Variants in PLCG2 observed in about 807,000 individuals in gnomAD.
The protein encoded by PLCG2 is 1-phosphatidylinositol 4,5-bisphosphate phosphodiesterase gamma-2.
In PLCG2, 69 loss-of-function variants were observed where a neutral mutation model predicts 175.6. The observed-to-expected ratio is 0.39, with a 90% CI of 0.32 to 0.48. PLCG2 has a LOEUF of 0.48. PLCG2 is among the 20% of genes least tolerant of loss of function. The probability of loss-of-function intolerance (pLI) is 0.91; values close to 1 mark genes in which losing one functional copy is unlikely to be tolerated. For missense variants in PLCG2, 1,798 were observed against 1,650.9 expected (o/e 1.09, Z -1.54); for synonymous variants, 827 against 624.0 (o/e 1.33, Z -4.85).
intron 2 of PLCG2, among the ~76,000 whole-genome samples, chr16:81,793,921 C>A (rs1911350852): frequency 6.6e-6 from 1 of 152,230 alleles, no homozygotes; most frequent in African/African-American, 2.4e-5. Flanking sequence ...AGTCTTCTTC[C>A]TGCTCTGTGT....
At chr16:81,805,952 T>C (rs1046613600) in intron 2 of PLCG2, among the ~76,000 whole-genome samples, 4 of 152,060 alleles carry the variant, frequency 2.6e-5, no homozygotes, top group Non-Finnish European at 5.9e-5. Context: ...GTGTGTAGTT[T>C]AAAGTTTTCT....
intron 24 of PLCG2, among the ~76,000 whole-genome samples, chr16:81,930,994 T>G (rs1597139998): frequency 6.6e-6 from 1 of 152,360 alleles, no homozygotes; most frequent in Non-Finnish European, 1.5e-5. Context: ...ATTTTCTAAT[T>G]GGTCAACCAA....
At chr16:81,753,060 C>T (rs1419975918) in intron 1 of PLCG2, among the ~76,000 whole-genome samples, 1 of 152,220 alleles carries the variant, frequency 6.6e-6, no homozygotes, top group African/African-American at 2.4e-5. Context: ...GCCTGTGGCT[C>T]AGTCTGAGCT....
intron 2 of PLCG2, among the ~76,000 whole-genome samples, chr16:81,792,046 G>A (rs1375356554): frequency 6.6e-6 from 1 of 152,186 alleles, no homozygotes. Flanking sequence ...AGAAGGAATG[G>A]CATGCATATC....
intron 2 of PLCG2, among the ~76,000 whole-genome samples, chr16:81,848,996 C>T (rs1459240744): frequency 6.6e-6 from 1 of 152,130 alleles, no homozygotes; most frequent in Non-Finnish European, 1.5e-5. Context: ...GCCAACAACA[C>T]CACTAATGTC....
chr16:81,931,416 A>C lies in PLCG2; in HGVS notation c.2582-81A>C. Reference sequence around the variant, plus strand: ...GCAGTGGTGGTTGGTCCATGAGAGAAACAGCTCAGGCAGGGTGCAGTCTGG... The same window carrying C: ...GCAGTGGTGGTTGGTCCATGAGAGACACAGCTCAGGCAGGGTGCAGTCTGG... On this transcript the variant is annotated intron_variant, in intron 24 of 32. Transcript: ENST00000564138. The C allele has an allele frequency of 2.8e-6, 4 of 1,416,576 alleles. No individual in the cohort carries two copies. The South Asian group carries it at 5.1e-5, about 18-fold the overall frequency. 87.8% of individuals were successfully genotyped at this position (1,416,576 alleles called of 1,614,324 possible).
At chr16:81,871,015 C>A in intron 7 of PLCG2, 80 bp downstream of exon 7, 1 of 738,602 alleles carries the variant, frequency 1.4e-6, no homozygotes, top group South Asian at 1.7e-5. Flanking sequence ...TCCTAAGAAA[C>A]CCACAAGAAG....
intron 18 of PLCG2, among the ~76,000 whole-genome samples, chr16:81,912,198 G>C (rs1326637431): frequency 2.6e-5 from 4 of 152,134 alleles, no homozygotes; most frequent in Non-Finnish European, 5.9e-5. Flanking sequence ...CTCCCAAAGT[G>C]CTGGGATTAC....
intron 2 of PLCG2, among the ~76,000 whole-genome samples, chr16:81,821,833 C>A (rs1329641194): frequency 6.6e-6 from 1 of 152,186 alleles, no homozygotes; most frequent in Middle Eastern, 3.4e-3. Context: ...CTTTTGGGGA[C>A]CCCTCCCCTC....
chr16:81,910,799 C>A, intron 18 of PLCG2, 79 bp downstream of exon 18: 1 of 1,338,770 alleles, frequency 7.5e-7, no homozygotes, highest in South Asian at 1.2e-5. Context: ...CCTGGTGGTT[C>A]AGCCGGGCCA....
intron 2 of PLCG2, among the ~76,000 whole-genome samples, chr16:81,761,602 A>G (rs1176360395): frequency 6.6e-6 from 1 of 152,108 alleles, no homozygotes; most frequent in Non-Finnish European, 1.5e-5. Flanking sequence ...CCTCCTTTGT[A>G]AAATGGGGAT....
intron 22 of PLCG2, among the ~76,000 whole-genome samples, chr16:81,924,791 C>T (rs951416490): frequency 2.0e-5 from 3 of 152,254 alleles, no homozygotes; most frequent in African/African-American, 7.2e-5. Context: ...TCCTTGCTGA[C>T]ATTGCTGTTC....
chr16:81,797,539 T>G (rs1911524335), intron 2 of PLCG2, among the ~76,000 whole-genome samples: 1 of 152,192 alleles, frequency 6.6e-6, no homozygotes, highest in Non-Finnish European at 1.5e-5. Context: ...ACCCTGTCTG[T>G]TCTGTTCATA....
intron 1 of PLCG2, among the ~76,000 whole-genome samples, chr16:81,750,819 C>T (rs1909797063): frequency 6.6e-6 from 1 of 151,074 alleles, no homozygotes; most frequent in African/African-American, 2.4e-5. Context: ...AGGCGCCTGC[C>T]ACCACACCTG....
At chr16:81,928,183 C>A (rs115293846) in intron 23 of PLCG2, among the ~76,000 whole-genome samples, 5 of 152,042 alleles carry the variant, frequency 3.3e-5, no homozygotes, top group Non-Finnish European at 7.4e-5. Flanking sequence ...ACATGGGGAG[C>A]CACAGAAGGT....
chr16:81,742,959 G>A (rs1909626756), intron 1 of PLCG2, among the ~76,000 whole-genome samples: 1 of 152,150 alleles, frequency 6.6e-6, no homozygotes, highest in South Asian at 2.1e-4. Flanking sequence ...TCATCTTTTT[G>A]GTTCTCGATA....
Position 81,902,727 on chromosome 16 carries a change from C to T in PLCG2, c.1362+1947C>T, listed in dbSNP as rs554753075. On this transcript the variant is annotated intron_variant, in intron 14 of 32. Coordinates refer to ENST00000564138, the MANE Select transcript of PLCG2 (RefSeq NM_002661.5). ...ACCTTCTGTGTTACCCATTCTCACA[C>T]TGCTCATAAAGACATACCCAAGACT... is the stretch of plus-strand genomic sequence containing the variant. Among the ~76,000 whole-genome samples the T allele has an allele frequency of 3.3e-5, 5 of 152,244 alleles. No individual in the cohort carries two copies. In the South Asian group the frequency reaches 1.0e-3, roughly 32 times the overall value.
At chr16:81,806,964 G>T (rs1197880452) in intron 2 of PLCG2, among the ~76,000 whole-genome samples, 1 of 152,130 alleles carries the variant, frequency 6.6e-6, no homozygotes, top group East Asian at 1.9e-4. Context: ...CCTCCAGGGA[G>T]CCGGGAGCCA....
At chr16:81,773,167 G>T (rs920042618) in intron 2 of PLCG2, among the ~76,000 whole-genome samples, 6 of 151,928 alleles carry the variant, frequency 3.9e-5, no homozygotes, top group South Asian at 2.1e-4. Context: ...TGCTGGGTGT[G>T]GGGGGGCGTT....
Sources: allele counts gnomAD v4.1 joint callset (sites outside exome capture counted in the v4.1 genomes callset), GRCh38; gene constraint gnomAD v4.1.1; transcripts MANE v1.5; gene names NCBI Gene and HGNC (gene_info 2026-07-23, HGNC 2026-07-21).